The following SH3RF1 variants were observed in gnomAD, a reference collection of about 807,000 sequenced individuals.
The protein encoded by SH3RF1 is SH3 domain containing ring finger 1.
Under a neutral mutation model 74.0 loss-of-function variants are expected in SH3RF1, and 32 were observed. The observed-to-expected ratio is 0.43, with a 90% confidence interval of 0.33 to 0.58. SH3RF1 has a LOEUF of 0.58. Among genes scored for constraint, SH3RF1 ranks in the 20% least tolerant of loss-of-function variants. The probability of loss-of-function intolerance (pLI) is 0.05; values close to 1 mark genes in which losing one functional copy is unlikely to be tolerated. For synonymous variants in SH3RF1, 396 were observed against 439.6 expected, an observed-to-expected ratio of 0.90 and a Z score of 1.24; for missense variants, 954 against 1,130.9, an observed-to-expected ratio of 0.84 and a Z score of 2.24.
At chr4:169,156,281 A>G (rs9312445) in intron 3 of SH3RF1, 123 bp downstream of exon 3, 317,010 of 1,085,350 alleles carry the variant, frequency 0.29, 48,372 homozygotes, top group African/African-American at 0.4. Flanking sequence ...TTTCAGAAGC[A>G]TAGTGAGTAG....
At chr4:169,145,008 C>T (rs1021122662) in intron 4 of SH3RF1, among the ~76,000 whole-genome samples, 8 of 152,092 alleles carry the variant, frequency 5.3e-5, no homozygotes, top group Admixed American at 1.3e-4. Context: ...CAACCAACGA[C>T]CCAGAAATGA....
intron 2 of SH3RF1, among the ~76,000 whole-genome samples, chr4:169,172,552 CTT>C (rs889158425): frequency 4.6e-5 from 7 of 152,134 alleles, no homozygotes; most frequent in African/African-American, 1.7e-4. Context: ...TAATTATGAC[CTT>C]ATTGTTTTTA....
chr4:169,256,766 T>TA (rs919524314), intron 2 of SH3RF1, among the ~76,000 whole-genome samples: 123 of 150,054 alleles, frequency 8.2e-4, no homozygotes, highest in African/African-American at 2.6e-3. Flanking sequence ...CCAGCTAATT[T>TA]AAAAAAAAAA....
At chr4:169,112,915 C>T (rs1419857413) in intron 10 of SH3RF1, among the ~76,000 whole-genome samples, 2 of 152,080 alleles carry the variant, frequency 1.3e-5, no homozygotes, top group Admixed American at 6.6e-5. Flanking sequence ...AGGGGAAGAA[C>T]AAACTTTGAC....
At chr4:169,176,912 T>C (rs1433188079) in intron 2 of SH3RF1, among the ~76,000 whole-genome samples, 1 of 151,348 alleles carries the variant, frequency 6.6e-6, no homozygotes. Context: ...CATGTTACCG[T>C]GCCTGGTTAA....
intron 2 of SH3RF1, among the ~76,000 whole-genome samples, 162 bp from the exon 3 acceptor site, chr4:169,156,841 T>C (rs780268540): frequency 2.0e-5 from 3 of 152,140 alleles, no homozygotes; most frequent in Non-Finnish European, 2.9e-5. Flanking sequence ...TACCAATAAA[T>C]AGAAAACACA....
intron 4 of SH3RF1, among the ~76,000 whole-genome samples, chr4:169,140,569 T>C (rs1579102595): frequency 6.6e-6 from 1 of 152,164 alleles, no homozygotes; most frequent in African/African-American, 2.4e-5. Flanking sequence ...TTGAGAGTTA[T>C]CAGAAGTATA....
At chr4:169,145,600 CATATT>C (rs1199890967) in intron 4 of SH3RF1, among the ~76,000 whole-genome samples, 1 of 146,122 alleles carries the variant, frequency 6.8e-6, no homozygotes, top group Non-Finnish European at 1.5e-5. Flanking sequence ...TAATAATGGT[CATATT>C]ATATATATTA....
intron 2 of SH3RF1, among the ~76,000 whole-genome samples, chr4:169,198,275 C>T (rs1364159296): frequency 6.6e-6 from 1 of 152,146 alleles, no homozygotes; most frequent in Admixed American, 6.5e-5. Context: ...TCTTAGCATA[C>T]TGGCACAATG....
At chr4:169,203,235 T>C (rs112349004) in intron 2 of SH3RF1, among the ~76,000 whole-genome samples, 1 of 152,126 alleles carries the variant, frequency 6.6e-6, no homozygotes, top group African/African-American at 2.4e-5. Context: ...TTGCTCTTTG[T>C]AGTTGAAAGA....
At chr4:169,166,380 C>A in intron 2 of SH3RF1, 1 of 161,328 alleles carries the variant, frequency 6.2e-6, no homozygotes. Context: ...GCTAAAAGCC[C>A]CAAGAAGGGG....
At chr4:169,237,754 A>G (rs939225862) in intron 2 of SH3RF1, among the ~76,000 whole-genome samples, 1 of 152,200 alleles carries the variant, frequency 6.6e-6, no homozygotes, top group African/African-American at 2.4e-5. Flanking sequence ...CTGATAAAGA[A>G]TTAGTAATAA....
intron 2 of SH3RF1, among the ~76,000 whole-genome samples, chr4:169,224,507 G>A (rs566016968): frequency 2.6e-5 from 4 of 152,096 alleles, no homozygotes; most frequent in East Asian, 1.9e-4. Context: ...TAGTAGAGAC[G>A]GGGTTTTGCC....
chr4:169,160,613 T>C (rs1314765651), intron 2 of SH3RF1, among the ~76,000 whole-genome samples: 1 of 152,224 alleles, frequency 6.6e-6, no homozygotes, highest in African/African-American at 2.4e-5. Context: ...TTTGTGCATC[T>C]GGCTGTGTTT....
At chr4:169,133,685 G>T (rs1733652709) in intron 5 of SH3RF1, among the ~76,000 whole-genome samples, 1 of 152,078 alleles carries the variant, frequency 6.6e-6, no homozygotes, top group Non-Finnish European at 1.5e-5. Context: ...GCTGAGGCAG[G>T]AGAATTGCTT....
intron 2 of SH3RF1, among the ~76,000 whole-genome samples, chr4:169,232,860 C>T (rs1003780458): frequency 6.6e-6 from 1 of 151,984 alleles, no homozygotes; most frequent in African/African-American, 2.4e-5. Flanking sequence ...CAGTTTAAAC[C>T]CTAAACTCTG....
intron 2 of SH3RF1, among the ~76,000 whole-genome samples, chr4:169,171,178 A>C (rs1447490621): frequency 6.6e-6 from 1 of 152,166 alleles, no homozygotes; most frequent in African/African-American, 2.4e-5. Flanking sequence ...AAATGAGGCA[A>C]ACACCACGGT....
intron 2 of SH3RF1, among the ~76,000 whole-genome samples, chr4:169,226,669 T>A (rs2127004919): frequency 6.6e-6 from 1 of 152,280 alleles, no homozygotes; most frequent in African/African-American, 2.4e-5. Context: ...TTGGCCACAG[T>A]GCACCATCAA....
At chr4:169,249,980 G>A (rs1731072617) in intron 2 of SH3RF1, among the ~76,000 whole-genome samples, 1 of 152,190 alleles carries the variant, frequency 6.6e-6, no homozygotes, top group African/African-American at 2.4e-5. Flanking sequence ...ATTATCTGAA[G>A]TCTGATTTGA....
Sources: allele counts gnomAD v4.1 joint callset (sites outside exome capture counted in the v4.1 genomes callset), GRCh38; gene constraint gnomAD v4.1.1; transcripts MANE v1.5; gene names NCBI Gene and HGNC (gene_info 2026-07-23, HGNC 2026-07-21).